The following NALCN variants were observed in gnomAD, a reference collection of about 807,000 sequenced individuals.
NALCN encodes sodium leak channel NALCN.
Under a neutral mutation model 225.3 loss-of-function variants are expected in NALCN, and 111 were observed. The ratio of observed to expected loss-of-function variants is 0.49; its 90% CI spans 0.42 to 0.58. NALCN has a LOEUF of 0.58. NALCN is among the 20% of genes least tolerant of loss of function. The pLI is 0.00. For synonymous variants in NALCN, 764 were observed against 769.0 expected, an observed-to-expected ratio of 0.99 and a Z score of 0.11; for missense variants, 1,378 against 2,202.4, an observed-to-expected ratio of 0.63 and a Z score of 7.49.
Position 101,292,451 on chromosome 13 carries a change from C to T in NALCN, c.800-85G>A. 7.2e-7 allele frequency: 1 copy of T among 1,391,428 alleles called. No individual in the cohort carries two copies. The highest frequency in any genetic ancestry group is 1.5e-5 in the South Asian group (1 of 68,488). 86.2% of individuals were successfully genotyped at this position (1,391,428 alleles called of 1,614,324 possible). A position where few individuals can be genotyped will look rare whatever the true frequency, so the allele number is the denominator to read the frequency against. On this transcript the variant is annotated intron_variant, in intron 7 of 43. Coordinates refer to ENST00000251127, the MANE Select transcript of NALCN (RefSeq NM_052867.4). This position sits in a 1 kb window ranked among gnomAD's most constrained non-coding sequence, Gnocchi z 4.3. ...TTCCAGAAAAACAATCAATATTTAT[C>T]CATACTTATTTTCTCAATGACAAAA... is the stretch of plus-strand genomic sequence containing the variant.
chr13:101,416,134 C>G (rs2047938975), intron 1 of NALCN, among the ~76,000 whole-genome samples, 179 bp downstream of exon 1: 1 of 151,746 alleles, frequency 6.6e-6, no homozygotes, highest in Admixed American at 6.5e-5. Flanking sequence ...CCCCACCCCT[C>G]CCCCGCGCGG....
chr13:101,103,421 C>A, intron 25 of NALCN, 82 bp from the exon 26 acceptor site: 1 of 1,473,238 alleles, frequency 6.8e-7, no homozygotes, highest in South Asian at 1.4e-5. Context: ...CTGGCCACAA[C>A]TTTTCATTTA....
chr13:101,064,446 G>C (rs558652497), intron 40 of NALCN, among the ~76,000 whole-genome samples: 1 of 152,136 alleles, frequency 6.6e-6, no homozygotes, highest in Non-Finnish European at 1.5e-5. Flanking sequence ...TTTGGAAATA[G>C]AACATTGCAG....
Position 101,068,838 on chromosome 13 carries a change from T to A in NALCN, c.4198-11A>T. ...AAACGGAGGCTGAACCTTTGGGGCA[T>A]TGGGGTGGAAGAAGGAGAGGATAAG... On this transcript the variant is annotated splice_polypyrimidine_tract_variant and intron_variant, in intron 37 of 43. Transcript: ENST00000251127. 6.3e-7 allele frequency: 1 copy of A among 1,598,962 alleles called. No individual in the cohort carries two copies. The highest frequency in any genetic ancestry group is 8.5e-7 in the Non-Finnish European group (1 of 1,174,018).
At chr13:101,176,263 T>C in intron 15 of NALCN, 37 bp downstream of exon 15, 1 of 1,459,332 alleles carries the variant, frequency 6.9e-7, no homozygotes, top group Non-Finnish European at 9.1e-7. Flanking sequence ...CCTGGTTTTT[T>C]GTCCTTTTTA....
At chr13:101,288,974 G>C (rs1313981699) in intron 9 of NALCN, among the ~76,000 whole-genome samples, 1 of 152,188 alleles carries the variant, frequency 6.6e-6, no homozygotes. Flanking sequence ...TGGGAGTAAA[G>C]GTCTGGGTTA....
At chr13:101,124,304 T>C (rs180691203) in intron 18 of NALCN, among the ~76,000 whole-genome samples, 61 of 152,298 alleles carry the variant, frequency 4.0e-4, no homozygotes, top group Admixed American at 8.5e-4. Context: ...CCTTTACATA[T>C]CACAAAAGAT....
chr13:101,387,150 A>G (rs1161631938), intron 3 of NALCN, among the ~76,000 whole-genome samples: 11 of 144,496 alleles, frequency 7.6e-5, no homozygotes, highest in Non-Finnish European at 1.5e-4. Context: ...GAACCCGGGA[A>G]GCGGAGCTTG....
intron 13 of NALCN, among the ~76,000 whole-genome samples, chr13:101,195,047 T>C (rs2039833825): frequency 6.6e-6 from 1 of 152,032 alleles, no homozygotes; most frequent in Non-Finnish European, 1.5e-5. Context: ...ATAGTAACTT[T>C]GGTGTGTAAG....
At chr13:101,166,170 C>T (rs1787179090) in intron 15 of NALCN, among the ~76,000 whole-genome samples, 4 of 152,210 alleles carry the variant, frequency 2.6e-5, no homozygotes, top group Admixed American at 2.6e-4. Flanking sequence ...AGGGTTGCTT[C>T]CACCTTCTGT....
At chr13:101,285,975 A>C (rs530739526) in intron 9 of NALCN, among the ~76,000 whole-genome samples, 2 of 152,234 alleles carry the variant, frequency 1.3e-5, no homozygotes, top group South Asian at 4.1e-4. Flanking sequence ...TTCTCTCTTA[A>C]ATTTTTTTTT....
chr13:101,388,167 T>C (rs187499363), intron 3 of NALCN, among the ~76,000 whole-genome samples: 71 of 152,296 alleles, frequency 4.7e-4, no homozygotes, highest in African/African-American at 1.6e-3. Context: ...TTTAGTGAGT[T>C]GATACATTTA....
intron 34 of NALCN, among the ~76,000 whole-genome samples, chr13:101,076,951 A>G (rs2033295967): frequency 6.6e-6 from 1 of 152,182 alleles, no homozygotes; most frequent in Admixed American, 6.5e-5. Flanking sequence ...TGTAGTTCCC[A>G]TAATCCCCAT....
chr13:101,070,116 G>A (rs640833), intron 37 of NALCN, among the ~76,000 whole-genome samples: 6,758 of 127,748 alleles, frequency 0.053, 502 homozygotes, highest in African/African-American at 0.18. Context: ...GCCCAGGCTG[G>A]AGTGCAGTGG....
chr13:101,156,629 T>A (rs1390057641), intron 15 of NALCN, among the ~76,000 whole-genome samples: 1 of 152,198 alleles, frequency 6.6e-6, no homozygotes, highest in Non-Finnish European at 1.5e-5. Context: ...CAGGTTCTCC[T>A]GTGGCATCTC....
intron 39 of NALCN, among the ~76,000 whole-genome samples, chr13:101,067,286 A>C (rs1400679829): frequency 8.4e-5 from 1 of 11,900 alleles, no homozygotes; most frequent in Non-Finnish European, 1.3e-4. Flanking sequence ...AGGAGGGGGA[A>C]GAGGAGGGGG....
intron 11 of NALCN, among the ~76,000 whole-genome samples, chr13:101,252,025 T>C (rs1293328108): frequency 6.6e-6 from 1 of 152,212 alleles, no homozygotes; most frequent in Non-Finnish European, 1.5e-5. Context: ...TGGAAATTGT[T>C]CTTAATTTCT....
chr13:101,217,905 C>G (rs1403259078), intron 13 of NALCN, among the ~76,000 whole-genome samples: 1 of 152,120 alleles, frequency 6.6e-6, no homozygotes, highest in Non-Finnish European at 1.5e-5. Flanking sequence ...TCTACCACGT[C>G]TATTTACAAA....
At chr13:101,317,047 AT>A (rs896209279) in intron 7 of NALCN, among the ~76,000 whole-genome samples, 21 of 151,882 alleles carry the variant, frequency 1.4e-4, no homozygotes, top group East Asian at 3.9e-4. Context: ...TGTTCAATAT[AT>A]TTTTTTTAGC....
Sources: gnomAD v4.1 joint callset for allele counts (sites outside exome capture counted in the v4.1 genomes callset) on GRCh38, gnomAD v4.1.1 for gene constraint, Gnocchi (gnomAD v3.1) non-coding constraint, MANE v1.5 for transcripts, NCBI Gene and HGNC (gene_info 2026-07-23, HGNC 2026-07-21) for gene names.